The following TECTB variants were observed in gnomAD, a reference collection of about 807,000 sequenced individuals.
TECTB encodes tectorin beta.
Under a neutral mutation model 43.3 loss-of-function variants are expected in TECTB, and 45 were observed. That is an observed-to-expected ratio of 1.04 (90% CI 0.82 to 1.33). The LOEUF (loss-of-function observed/expected upper bound fraction) is 1.33, where lower values mean the gene tolerates loss of function less well. Ranked by LOEUF, TECTB falls within the 40% of genes most tolerant of loss-of-function variation. The pLI, the probability that TECTB is intolerant of heterozygous loss-of-function variation, is 0.00. For synonymous variants in TECTB, 169 were observed against 156.7 expected (o/e 1.08, Z -0.59); for missense variants, 399 against 404.7 (o/e 0.99, Z 0.12).
rs775172936 is a variant in TECTB at position 112,286,197 on chromosome 10, G to A, written c.394G>A (p.Ala132Thr). ...TYHSTYLVNQAAFDQRVATVH... is the reference protein window; with the variant it reads ...TYHSTYLVNQTAFDQRVATVH... ...CCACTCCACCTACTTGGTGAACCAG[G>A]CTGCCTTTGACCAGAGGTAAGTTGC... Residue 132 changes from alanine (A) to threonine (T), a missense_variant, in exon 4 of 11, where the codon GCT becomes ACT. Ala to Thr is a moderately conservative substitution (Grantham distance 58, BLOSUM62 0). Coordinates refer to ENST00000646139, the MANE Select transcript of TECTB (RefSeq NM_058222.3). 1 of 1,614,112 alleles carries A rather than the reference G, an allele frequency of 6.2e-7. No homozygotes were observed. Among genetic ancestry groups the A allele is most frequent in the South Asian group, 1.1e-5 (1 of 91,078 alleles).
intron 5 of TECTB, among the ~76,000 whole-genome samples, chr10:112,287,282 G>T (rs902756539): frequency 1.3e-5 from 2 of 152,158 alleles, no homozygotes; most frequent in African/African-American, 4.8e-5. Flanking sequence ...GGCACACTTT[G>T]GTCTCTCTCA....
At chr10:112,294,715 T>TAG in intron 7 of TECTB, among the ~76,000 whole-genome samples, 1 of 152,258 alleles carries the variant, frequency 6.6e-6, no homozygotes, top group East Asian at 1.9e-4. Flanking sequence ...AAAACCAGAT[T>TAG]AGAGGCCCTG....
Position 112,304,894 on chromosome 10 carries a change from TAGCATA to T in TECTB, c.*1583_*1588del, listed in dbSNP as rs1345218588. 2.6e-5 allele frequency: 4 copies of T among 152,212 alleles called. No individual in the cohort carries two copies. Among genetic ancestry groups the T allele is most frequent in the African/African-American group, 4.8e-5 (2 of 41,458 alleles). 9.4% of individuals were successfully genotyped at this position (152,212 alleles called of 1,614,324 possible). A position where few individuals can be genotyped will look rare whatever the true frequency, so the allele number is the denominator to read the frequency against. On this transcript the variant is annotated 3_prime_UTR_variant, in exon 11 of 11. Transcript: ENST00000646139. ...TTGGTTCTAGTAGAAAACTCTTAAA[TAGCATA>T]CTCATAGCCATGTTCAAATCCTTTG...
In TECTB at chr10:112,294,964, A is replaced by G. The variant is rs375042722; in HGVS notation, c.671+903A>G. On this transcript the variant is annotated intron_variant, in intron 7 of 10. Coordinates refer to ENST00000646139, the MANE Select transcript of TECTB (RefSeq NM_058222.3). Reference sequence around the variant, plus strand: ...AAGAGTGTCTGGATTTGGCTGTTGGAGAAGGAGGTTTTTGGATAAGGAAAT... The same window carrying G: ...AAGAGTGTCTGGATTTGGCTGTTGGGGAAGGAGGTTTTTGGATAAGGAAAT... Among the ~76,000 whole-genome samples the G allele has an allele frequency of 3.9e-5, 6 of 152,168 alleles. No homozygotes were observed. In the East Asian group the frequency reaches 9.7e-4, roughly 24 times the overall value.
At chr10:112,286,925 A>G (rs1264912118) in intron 5 of TECTB, among the ~76,000 whole-genome samples, 1 of 152,214 alleles carries the variant, frequency 6.6e-6, no homozygotes, top group Non-Finnish European at 1.5e-5. Flanking sequence ...TCCATCTCAA[A>G]AAACAAAAAT....
chr10:112,284,475 G>T (rs938763760), intron 2 of TECTB, 60 bp from the exon 3 acceptor site: 1 of 1,445,178 alleles, frequency 6.9e-7, no homozygotes, highest in African/African-American at 1.4e-5. Context: ...TCCACTGTTC[G>T]TTACGTAGGT....
At chr10:112,289,121 T>C (rs1366060892) in intron 5 of TECTB, among the ~76,000 whole-genome samples, 1 of 152,192 alleles carries the variant, frequency 6.6e-6, no homozygotes, top group Admixed American at 6.5e-5. Flanking sequence ...AAATAATCTT[T>C]AGGAAGCACT....
At position 112,284,551 on chromosome 10, in the gene TECTB, T is replaced by C; in HGVS notation, c.93T>C (p.Phe31=). The change falls in exon 3 of 11, where the codon TTT becomes TTC. Residue 31 remains phenylalanine (F), a synonymous_variant. Coordinates refer to ENST00000646139, the MANE Select transcript of TECTB (RefSeq NM_058222.3). The part of the protein sequence containing the change: ...APNKADVILV[F]CYPKTIITKI... ...TCTTTCCAGATGTCATTCTTGTGTTTTGCTATCCCAAAACCATCATCACCA... is the reference window on the plus strand; with the variant it reads ...TCTTTCCAGATGTCATTCTTGTGTTCTGCTATCCCAAAACCATCATCACCA... 1 of 1,609,110 alleles carries C rather than the reference T, an allele frequency of 6.2e-7. No individual in the cohort carries two copies.
rs763401490 is a variant in TECTB at position 112,286,097 on chromosome 10, C to T, written c.294C>T (p.Tyr98=). ...SEYKPPIYHF[Y]SHIVSNDTTV... The stretch of plus-strand genomic sequence containing the variant: ...ACAAGCCACCTATCTATCACTTCTA[C>T]AGTCACATCGTTTCCAATGACACCA... The change falls in exon 4 of 11, where the codon TAC becomes TAT. Residue 98 remains tyrosine, a synonymous_variant. Coordinates refer to ENST00000646139, the MANE Select transcript of TECTB (RefSeq NM_058222.3). 1.2e-6 allele frequency: 2 copies of T among 1,614,146 alleles called. No homozygotes were observed. Among genetic ancestry groups the T allele is most frequent in the Admixed American group, 1.7e-5 (1 of 60,024 alleles).
In TECTB at chr10:112,300,282, AG is replaced by A. The variant is rs1471061651; in HGVS notation, c.907+719del. Among the ~76,000 whole-genome samples the A allele has an allele frequency of 2.3e-4, 15 of 66,144 alleles. 1 individual carries two copies. The South Asian group carries it at 6.8e-3, about 30-fold the overall frequency. The allele number at this position is 66,144 out of a possible 152,430, so 43.4% of individuals were successfully genotyped here. ...AGAAAGAAAGAAAGAAAGAAAGAAA[AG>A]AAAGAAAGAAAGAAAGAAAGAAAGA... On this transcript the variant is annotated intron_variant, in intron 9 of 10. Transcript: ENST00000646139.
chr10:112,301,618 C>T (rs897138459), intron 9 of TECTB, among the ~76,000 whole-genome samples: 6 of 152,162 alleles, frequency 3.9e-5, no homozygotes, highest in African/African-American at 1.4e-4. Flanking sequence ...CCAACCCCTG[C>T]TTTGGAGAGA....
intron 3 of TECTB, among the ~76,000 whole-genome samples, chr10:112,285,641 G>C (rs1848447881): frequency 2.0e-5 from 3 of 152,154 alleles, no homozygotes; most frequent in Admixed American, 2.0e-4. Context: ...AAGAGTCTCA[G>C]AAATCGTGCT....
intron 3 of TECTB, among the ~76,000 whole-genome samples, chr10:112,285,505 T>C (rs1848446644): frequency 6.6e-6 from 1 of 152,232 alleles, no homozygotes; most frequent in Non-Finnish European, 1.5e-5. Context: ...ACATCATGTC[T>C]TTGAGTATAT....
At chr10:112,299,644 C>G (rs767408668) in intron 9 of TECTB, 80 bp downstream of exon 9, 7 of 1,515,542 alleles carry the variant, frequency 4.6e-6, no homozygotes, top group Non-Finnish European at 6.4e-6. Flanking sequence ...CCGGTTTGAG[C>G]ATTTTTACTG....
rs539155577 is a variant in TECTB at position 112,289,185 on chromosome 10, T to C, written c.483+2794T>C. 1.1e-4 allele frequency among the ~76,000 whole-genome samples: 17 copies of C among 152,342 alleles called. No homozygotes were observed. In the South Asian group the frequency reaches 3.1e-3, roughly 28 times the overall value. ...CCCAAGAAAGTAGCCATTCTCATCA[T>C]TGTAGACTTTGACTCTATTTAAAGT... On this transcript the variant is annotated intron_variant, in intron 5 of 10. Coordinates refer to ENST00000646139, the MANE Select transcript of TECTB (RefSeq NM_058222.3).
intron 7 of TECTB, among the ~76,000 whole-genome samples, chr10:112,296,315 A>G (rs1045883582): frequency 1.3e-5 from 2 of 152,176 alleles, no homozygotes; most frequent in Non-Finnish European, 2.9e-5. Context: ...CAGAGAGGGC[A>G]TAAAAGCCTC....
rs1428942823 is a variant in TECTB at position 112,298,234 on chromosome 10, G to A, written c.834+3G>A. Reference sequence around the variant, plus strand: ...GTGAGAAACTCTCCTGCCCAGTGGTGAGCTGCCTCTCTCCAGAAGGACAAT... The same window carrying A: ...GTGAGAAACTCTCCTGCCCAGTGGTAAGCTGCCTCTCTCCAGAAGGACAAT... On this transcript the variant is annotated splice_donor_region_variant and intron_variant, in intron 8 of 10. Transcript: ENST00000646139. 6.2e-7 allele frequency: 1 copy of A among 1,611,998 alleles called. No homozygotes were observed. Among genetic ancestry groups the A allele is most frequent in the East Asian group, 2.2e-5 (1 of 44,838 alleles).
At chr10:112,298,341 G>A (rs1848567391) in intron 8 of TECTB, 110 bp downstream of exon 8, 1 of 1,387,466 alleles carries the variant, frequency 7.2e-7, no homozygotes, top group Non-Finnish European at 9.8e-7. Context: ...TGTGTGCTGA[G>A]GACATCTGGA....
At chr10:112,288,454 G>T (rs371082888) in intron 5 of TECTB, among the ~76,000 whole-genome samples, 1 of 152,052 alleles carries the variant, frequency 6.6e-6, no homozygotes, top group African/African-American at 2.4e-5. Context: ...AGGGTCAAGC[G>T]TCCCCTGAGG....
Sources: allele counts gnomAD v4.1 joint callset (sites outside exome capture counted in the v4.1 genomes callset), GRCh38; gene constraint gnomAD v4.1.1; transcripts MANE v1.5; gene names NCBI Gene and HGNC (gene_info 2026-07-23, HGNC 2026-07-21).